FUT9: variants seen among roughly 807,000 people sequenced by gnomAD.
The protein encoded by FUT9 is fucosyltransferase 9.
Under a neutral mutation model 29.7 loss-of-function variants are expected in FUT9, and 15 were observed. The ratio of observed to expected loss-of-function variants is 0.51; its 90% CI spans 0.34 to 0.78. The LOEUF is 0.78. Among genes scored for constraint, FUT9 ranks in the 30% least tolerant of loss-of-function variants. FUT9 has a pLI of 0.01. For missense variants in FUT9, 319 were observed against 425.4 expected (o/e 0.75, Z 2.20); for synonymous variants, 169 against 153.7 (o/e 1.10, Z -0.74).
chr6:96,206,060 T>A lies in FUT9; in HGVS notation c.*1825T>A, dbSNP rs1037426797. ...GAGCTTACAATTAAGTGGATAGACATATAAAAGCTTCCTTTCAATTCAGCC... is the reference window on the plus strand; with the variant it reads ...GAGCTTACAATTAAGTGGATAGACAAATAAAAGCTTCCTTTCAATTCAGCC... On this transcript the variant is annotated 3_prime_UTR_variant, in exon 3 of 3. Coordinates refer to ENST00000302103, the MANE Select transcript of FUT9 (RefSeq NM_006581.4). 6.0e-6 allele frequency: 1 copy of A among 166,918 alleles called. No individual in the cohort carries two copies. The highest frequency in any genetic ancestry group is 1.5e-5 in the Non-Finnish European group (1 of 68,118). 10.3% of individuals were successfully genotyped at this position (166,918 alleles called of 1,614,324 possible).
At chr6:96,167,220 C>T (rs538798374) in intron 2 of FUT9, among the ~76,000 whole-genome samples, 4 of 152,154 alleles carry the variant, frequency 2.6e-5, no homozygotes, top group East Asian at 3.9e-4. Context: ...GATCCTTAAT[C>T]CCTAATAAGC....
intron 1 of FUT9, among the ~76,000 whole-genome samples, chr6:96,049,582 T>A (rs574353127): frequency 6.6e-6 from 1 of 152,338 alleles, no homozygotes; most frequent in African/African-American, 2.4e-5. Flanking sequence ...TTGGTTTTAA[T>A]ACTCATCCAT....
intron 2 of FUT9, among the ~76,000 whole-genome samples, chr6:96,158,435 A>C (rs1772831749): frequency 6.6e-6 from 1 of 152,102 alleles, no homozygotes; most frequent in South Asian, 2.1e-4. Flanking sequence ...TTATTAAGAC[A>C]AGTTATTCTT....
At chr6:96,025,403 G>T (rs184997666) in intron 1 of FUT9, among the ~76,000 whole-genome samples, 1 of 151,652 alleles carries the variant, frequency 6.6e-6, no homozygotes, top group Non-Finnish European at 1.5e-5. Context: ...ACTGTCTATC[G>T]CCCAGTGGCC....
At chr6:96,134,262 AT>A (rs60338122) in intron 2 of FUT9, among the ~76,000 whole-genome samples, 3,534 of 151,926 alleles carry the variant, frequency 0.023, 102 homozygotes, top group South Asian at 0.12. Context: ...AGCTAATAAC[AT>A]TTTTTTCACA....
chr6:96,093,083 G>C (rs1040360849), intron 1 of FUT9, among the ~76,000 whole-genome samples: 13 of 152,084 alleles, frequency 8.5e-5, no homozygotes, highest in Admixed American at 5.2e-4. Context: ...TCCTTCCTTT[G>C]AGAGCACTAT....
At chr6:96,023,545 T>G (rs1430242669) in intron 1 of FUT9, among the ~76,000 whole-genome samples, 1 of 151,888 alleles carries the variant, frequency 6.6e-6, no homozygotes. Flanking sequence ...TTACTACAAA[T>G]GTATATTGGT....
chr6:96,072,844 G>A lies in FUT9; in HGVS notation c.-97-41195G>A, dbSNP rs1175075050. ...AGTTACTCTAAGCATGAGTAAATGT[G>A]GCTAATGGATACTTTCTAGTATATT... is the stretch of plus-strand genomic sequence containing the variant. On this transcript the variant is annotated intron_variant, in intron 1 of 2. Coordinates refer to ENST00000302103, the MANE Select transcript of FUT9 (RefSeq NM_006581.4). Among the ~76,000 whole-genome samples, 3 of 152,122 alleles carry A rather than the reference G, an allele frequency of 2.0e-5. No individual in the cohort carries two copies. The East Asian group carries it at 5.8e-4, about 29-fold the overall frequency.
intron 1 of FUT9, among the ~76,000 whole-genome samples, chr6:96,065,374 T>G (rs1017942209): frequency 1.1e-4 from 17 of 152,150 alleles, no homozygotes; most frequent in African/African-American, 4.1e-4. Flanking sequence ...TTGCATGCTC[T>G]GAGAAGCCTC....
At chr6:96,101,457 G>A (rs1771584849) in intron 1 of FUT9, among the ~76,000 whole-genome samples, 2 of 151,890 alleles carry the variant, frequency 1.3e-5, no homozygotes, top group South Asian at 2.1e-4. Context: ...GCTGAGGCAG[G>A]AGAATCACCT....
At position 96,044,995 on chromosome 6, in the gene FUT9, C is replaced by A. The variant is rs749915613; in HGVS notation, c.-98+28783C>A. Among the ~76,000 whole-genome samples, 3 of 151,962 alleles carry A rather than the reference C, an allele frequency of 2.0e-5. No individual in the cohort carries two copies. The East Asian group carries it at 5.8e-4, about 29-fold the overall frequency. ...GTGACTGATTTCATTTGCTAAAGTT[C>A]GATAAAATATGGGGAGTCAATCTAA... On this transcript the variant is annotated intron_variant, in intron 1 of 2. Coordinates refer to ENST00000302103, the MANE Select transcript of FUT9 (RefSeq NM_006581.4).
At chr6:96,092,427 T>C (rs575572987) in intron 1 of FUT9, among the ~76,000 whole-genome samples, 1 of 152,300 alleles carries the variant, frequency 6.6e-6, no homozygotes, top group East Asian at 1.9e-4. Flanking sequence ...ATTCCCTAAA[T>C]AAAATATTAT....
intron 2 of FUT9, among the ~76,000 whole-genome samples, chr6:96,119,196 T>C (rs1173367774): frequency 1.3e-5 from 2 of 152,310 alleles, no homozygotes; most frequent in South Asian, 4.1e-4. Context: ...ACTCACCCAG[T>C]GCAACTTCCA....
chr6:96,081,859 C>T (rs9404203), intron 1 of FUT9, among the ~76,000 whole-genome samples: 3,428 of 151,788 alleles, frequency 0.023, 66 homozygotes, highest in East Asian at 0.079. Context: ...AATTTTTGTC[C>T]GTCTGTGGAG....
At chr6:96,167,800 TAG>T (rs1257680786) in intron 2 of FUT9, among the ~76,000 whole-genome samples, 1 of 152,058 alleles carries the variant, frequency 6.6e-6, no homozygotes, top group African/African-American at 2.4e-5. Context: ...GTGCTCCAGG[TAG>T]AGACAATAGC....
intron 2 of FUT9, among the ~76,000 whole-genome samples, chr6:96,164,141 G>T (rs796879622): frequency 4.6e-5 from 7 of 152,010 alleles, no homozygotes; most frequent in African/African-American, 1.7e-4. Flanking sequence ...CAGGTCTTAG[G>T]TGTATTCAAA....
At chr6:96,118,951 A>T (rs1771967913) in intron 2 of FUT9, among the ~76,000 whole-genome samples, 1 of 152,218 alleles carries the variant, frequency 6.6e-6, no homozygotes, top group African/African-American at 2.4e-5. Context: ...ATTATTTTGT[A>T]CAGCTATACA....
chr6:96,025,534 A>G (rs1349348509), intron 1 of FUT9, among the ~76,000 whole-genome samples: 1 of 151,740 alleles, frequency 6.6e-6, no homozygotes, highest in Non-Finnish European at 1.5e-5. Context: ...TATTGGGGAT[A>G]TGGACCCTTA....
At chr6:96,051,662 T>A (rs985926877) in intron 1 of FUT9, among the ~76,000 whole-genome samples, 4 of 151,716 alleles carry the variant, frequency 2.6e-5, no homozygotes, top group Non-Finnish European at 4.4e-5. Flanking sequence ...CTAAAAAAAA[T>A]TAGTAATAAA....
Sources: gnomAD v4.1 joint callset for allele counts (sites outside exome capture counted in the v4.1 genomes callset) on GRCh38, gnomAD v4.1.1 for gene constraint, MANE v1.5 for transcripts, NCBI Gene and HGNC (gene_info 2026-07-23, HGNC 2026-07-21) for gene names.